The following ATG7 variants were observed in gnomAD, a reference collection of about 807,000 sequenced individuals.
The protein encoded by ATG7 is autophagy related 7.
In ATG7, 70 loss-of-function variants were observed where a neutral mutation model predicts 82.4. That is an observed-to-expected ratio of 0.85 (90% CI 0.70 to 1.04). ATG7 has a LOEUF of 1.04. ATG7 is among the 50% of genes least tolerant of loss of function. The pLI, the probability that ATG7 is intolerant of heterozygous loss-of-function variation, is 0.00. For synonymous variants in ATG7, 287 were observed against 313.0 expected (o/e 0.92, Z 0.88); for missense variants, 792 against 864.3 (o/e 0.92, Z 1.05).
chr3:11,363,045 C>A, intron 17 of ATG7, 117 bp downstream of exon 17: 1 of 898,470 alleles, frequency 1.1e-6, no homozygotes, highest in Middle Eastern at 2.7e-4. Flanking sequence ...CTATTTCACC[C>A]TCAAAAAAAC....
At position 11,449,929 on chromosome 3, in the gene ATG7, A is replaced by C. The variant is rs75699968; in HGVS notation, c.2079+23003A>C. Among the ~76,000 whole-genome samples, 24 of 152,356 alleles carry C rather than the reference A, an allele frequency of 1.6e-4. No individual in the cohort carries two copies. The East Asian group carries it at 4.4e-3, about 28-fold the overall frequency. On this transcript the variant is annotated intron_variant, in intron 20 of 20. Coordinates refer to ENST00000693202, the MANE Select transcript of ATG7 (RefSeq NM_001349232.2). Reference sequence around the variant, plus strand: ...GCAGGGAAGCCCTGGAGTTGAAGTAAATTCAACAGCATCAAGTTTTGTGTT... The same window carrying C: ...GCAGGGAAGCCCTGGAGTTGAAGTACATTCAACAGCATCAAGTTTTGTGTT...
At chr3:11,431,665 T>TATAA (rs1019736167) in intron 20 of ATG7, among the ~76,000 whole-genome samples, 11 of 152,346 alleles carry the variant, frequency 7.2e-5, no homozygotes, top group Admixed American at 2.0e-4. Flanking sequence ...ATCTTCTATT[T>TATAA]AGCACAATGT....
At chr3:11,498,553 C>T (rs887949446) in intron 20 of ATG7, among the ~76,000 whole-genome samples, 1 of 152,212 alleles carries the variant, frequency 6.6e-6, no homozygotes, top group African/African-American at 2.4e-5. Context: ...TGGTTTTCAC[C>T]GTGTCACTCC....
At chr3:11,291,849 G>A (rs373329304) in intron 3 of ATG7, among the ~76,000 whole-genome samples, 2 of 152,170 alleles carry the variant, frequency 1.3e-5, no homozygotes, top group Non-Finnish European at 2.9e-5. Context: ...GAGGGGAAAG[G>A]TTTCCTAGGA....
intron 19 of ATG7, among the ~76,000 whole-genome samples, chr3:11,381,493 A>G (rs953247775): frequency 6.6e-6 from 1 of 152,226 alleles, no homozygotes; most frequent in African/African-American, 2.4e-5. Flanking sequence ...TTCTATTTCT[A>G]ATTAAATTAG....
downstream of ATG7, chr3:11,558,232 GAGAA>G (rs1472291557): frequency 9.8e-6 from 4 of 409,418 alleles, no homozygotes; most frequent in African/African-American, 7.9e-5. Context: ...GCTTGTGACT[GAGAA>G]AGCGCTGTGG....
chr3:11,489,331 T>A (rs2090114276), intron 20 of ATG7, among the ~76,000 whole-genome samples: 1 of 152,178 alleles, frequency 6.6e-6, no homozygotes, highest in Non-Finnish European at 1.5e-5. Context: ...TGATATCCCC[T>A]TTATCATTTT....
At chr3:11,294,267 T>C (rs1290105797) in intron 3 of ATG7, among the ~76,000 whole-genome samples, 1 of 151,962 alleles carries the variant, frequency 6.6e-6, no homozygotes, top group Non-Finnish European at 1.5e-5. Flanking sequence ...AAATGGAGTT[T>C]TGCTCTTGTT....
chr3:11,418,689 GTC>G (rs1175394165), intron 19 of ATG7, among the ~76,000 whole-genome samples: 1 of 152,122 alleles, frequency 6.6e-6, no homozygotes, highest in Non-Finnish European at 1.5e-5. Context: ...CCACCTGACT[GTC>G]TCTCCAGTTC....
chr3:11,436,433 G>C (rs1427492127), intron 20 of ATG7, among the ~76,000 whole-genome samples: 1 of 152,088 alleles, frequency 6.6e-6, no homozygotes, highest in Non-Finnish European at 1.5e-5. Flanking sequence ...ATTAAACATA[G>C]AATTACCATG....
At chr3:11,438,900 T>C (rs1275936584) in intron 20 of ATG7, among the ~76,000 whole-genome samples, 2 of 152,140 alleles carry the variant, frequency 1.3e-5, no homozygotes, top group African/African-American at 4.8e-5. Context: ...CAGTTTGCCC[T>C]GTGACCGCTA....
At chr3:11,428,760 A>G (rs1026369007) in intron 20 of ATG7, among the ~76,000 whole-genome samples, 7 of 152,246 alleles carry the variant, frequency 4.6e-5, no homozygotes, top group Non-Finnish European at 1.0e-4. Flanking sequence ...TTGATGGCTA[A>G]GGAAGTTTTG....
At chr3:11,331,313 T>G (rs1559408818) in intron 9 of ATG7, 27 bp from the exon 10 acceptor site, 1 of 1,545,546 alleles carries the variant, frequency 6.5e-7, no homozygotes, top group East Asian at 2.2e-5. Flanking sequence ...ATACTCGACT[T>G]ACTCAGAAAG....
Position 11,426,499 on chromosome 3 carries a change from C to T in ATG7, c.1957-305C>T, listed in dbSNP as rs9858675. ...TTTTCTCTCACCTGTTCTTTTCTAA[C>T]CACTGAACTTTAGAGCCACTAACTA... On this transcript the variant is annotated intron_variant, in intron 19 of 20. Coordinates refer to ENST00000693202, the MANE Select transcript of ATG7 (RefSeq NM_001349232.2). Among the ~76,000 whole-genome samples the T allele has an allele frequency of 2.2e-3, 335 of 152,120 alleles. No individual in the cohort carries two copies. The Middle Eastern group carries it at 0.024, about 11-fold the overall frequency.
At position 11,403,439 on chromosome 3, in the gene ATG7, T is replaced by A. The variant is rs115642520; in HGVS notation, c.1957-23365T>A. On this transcript the variant is annotated intron_variant, in intron 19 of 20. Coordinates refer to ENST00000693202, the MANE Select transcript of ATG7 (RefSeq NM_001349232.2). Reference sequence around the variant, plus strand: ...GGTAATTGTTTCATCTTGTTTGTGTTCAGAGAAAATCTGGAGGGATAGCTT... The same window carrying A: ...GGTAATTGTTTCATCTTGTTTGTGTACAGAGAAAATCTGGAGGGATAGCTT... 7.0e-3 allele frequency among the ~76,000 whole-genome samples: 1,069 copies of A among 152,274 alleles called. 15 individuals carry two copies. Among genetic ancestry groups the A allele is most frequent in the African/African-American group, 0.025 (1,021 of 41,544 alleles).
chr3:11,473,497 C>T (rs539978879), intron 20 of ATG7, among the ~76,000 whole-genome samples: 1 of 152,146 alleles, frequency 6.6e-6, no homozygotes, highest in Non-Finnish European at 1.5e-5. Flanking sequence ...GATGGAAAAA[C>T]TCGGGATTCA....
chr3:11,452,966 A>G (rs1243898068), intron 20 of ATG7, among the ~76,000 whole-genome samples: 2 of 152,234 alleles, frequency 1.3e-5, no homozygotes, highest in African/African-American at 4.8e-5. Flanking sequence ...TAGCGAGCAC[A>G]GTAGCAGTCC....
Position 11,534,203 on chromosome 3 carries a change from G to C in ATG7, c.2080-20608G>C, listed in dbSNP as rs138634976. On this transcript the variant is annotated intron_variant, in intron 20 of 20. Coordinates refer to ENST00000693202, the MANE Select transcript of ATG7 (RefSeq NM_001349232.2). ...AATGAGAAAGGAACTGGAGATTCCA[G>C]CAGCACCCTAGGTCTAGGAGTGAAA... is the stretch of plus-strand genomic sequence containing the variant. Among the ~76,000 whole-genome samples, 88 of 152,386 alleles carry C rather than the reference G, an allele frequency of 5.8e-4. No individual in the cohort carries two copies. In the East Asian group the frequency reaches 0.015, roughly 26 times the overall value.
intron 4 of ATG7, 135 bp from the exon 5 acceptor site, chr3:11,299,227 T>C: frequency 1.3e-6 from 1 of 788,210 alleles, no homozygotes; most frequent in South Asian, 1.5e-5. Context: ...ATATTATCTA[T>C]GTAGCATAGA....
Sources: gnomAD v4.1 joint callset for allele counts (sites outside exome capture counted in the v4.1 genomes callset) on GRCh38, gnomAD v4.1.1 for gene constraint, MANE v1.5 for transcripts, NCBI Gene and HGNC (gene_info 2026-07-23, HGNC 2026-07-21) for gene names.